Variants in COL25A1 observed in about 807,000 individuals in gnomAD.
COL25A1 encodes the protein collagen alpha-1(XXV) chain.
COL25A1 carries 103 observed loss-of-function variants against 128.4 expected under a neutral mutation model. That is an observed-to-expected ratio of 0.80 (90% confidence interval 0.68 to 0.94). The LOEUF (loss-of-function observed/expected upper bound fraction) is 0.94, where lower values mean the gene tolerates loss of function less well. Ranked by LOEUF, COL25A1 falls within the 40% of genes least tolerant of loss-of-function variation. COL25A1 has a pLI of 0.00. For synonymous variants in COL25A1, 279 were observed against 277.2 expected, an observed-to-expected ratio of 1.01 and a Z score of -0.06; for missense variants, 745 against 840.0, an observed-to-expected ratio of 0.89 and a Z score of 1.40.
At chr4:108,906,266 G>C (rs1231408267) in intron 13 of COL25A1, among the ~76,000 whole-genome samples, 2 of 152,034 alleles carry the variant, frequency 1.3e-5, no homozygotes, top group Non-Finnish European at 2.9e-5. Flanking sequence ...GCTCCAGTGT[G>C]GAAAGCAGCC....
intron 5 of COL25A1, among the ~76,000 whole-genome samples, chr4:109,023,612 T>C (rs1433154228): frequency 6.6e-6 from 1 of 152,156 alleles, no homozygotes; most frequent in Non-Finnish European, 1.5e-5. Flanking sequence ...AGAAGTTATG[T>C]CCAAGGCACC....
chr4:109,044,198 C>G (rs1452144199), intron 5 of COL25A1, among the ~76,000 whole-genome samples: 1 of 151,786 alleles, frequency 6.6e-6, no homozygotes, highest in East Asian at 1.9e-4. Context: ...TAAATTGATA[C>G]ACGGGATCTA....
chr4:108,832,973 T>TAATTAATAAATA, intron 31 of COL25A1, among the ~76,000 whole-genome samples: 1 of 106,162 alleles, frequency 9.4e-6, no homozygotes, highest in East Asian at 3.1e-4. Context: ...TCTCAAAAAA[T>TAATTAATAAATA]AATAAATAAA....
chr4:108,916,928 T>C (rs1744947474), intron 13 of COL25A1, among the ~76,000 whole-genome samples: 1 of 152,196 alleles, frequency 6.6e-6, no homozygotes, highest in Non-Finnish European at 1.5e-5. Context: ...ATTGAGTACT[T>C]CTGGGAACAC....
chr4:108,958,875 C>A (rs1750359586), intron 8 of COL25A1, among the ~76,000 whole-genome samples: 1 of 151,976 alleles, frequency 6.6e-6, no homozygotes, highest in South Asian at 2.1e-4. Flanking sequence ...AATAAAAATT[C>A]TACACTACCA....
At chr4:109,202,400 T>C (rs541024060) in intron 3 of COL25A1, among the ~76,000 whole-genome samples, 88 of 150,274 alleles carry the variant, frequency 5.9e-4, no homozygotes, top group African/African-American at 1.7e-3. Context: ...TGGATATCCA[T>C]ATGCAAAAAA....
chr4:109,221,171 A>T (rs1357023689), intron 3 of COL25A1, among the ~76,000 whole-genome samples: 1 of 151,960 alleles, frequency 6.6e-6, no homozygotes, highest in Non-Finnish European at 1.5e-5. Flanking sequence ...TAATATGCAT[A>T]AGATACTAAG....
At chr4:109,040,846 G>C (rs949058006) in intron 5 of COL25A1, among the ~76,000 whole-genome samples, 3 of 152,082 alleles carry the variant, frequency 2.0e-5, no homozygotes, top group Non-Finnish European at 4.4e-5. Context: ...TGTACTGTCT[G>C]TTTTGGTTTT....
At chr4:109,208,075 T>C (rs148607367) in intron 3 of COL25A1, among the ~76,000 whole-genome samples, 1 of 152,320 alleles carries the variant, frequency 6.6e-6, no homozygotes, top group Non-Finnish European at 1.5e-5. Flanking sequence ...CACGCATATA[T>C]ACGCACTCTG....
chr4:108,999,803 C>A (rs1040005585), intron 6 of COL25A1, among the ~76,000 whole-genome samples: 2 of 152,182 alleles, frequency 1.3e-5, no homozygotes, highest in African/African-American at 4.8e-5. Flanking sequence ...AGGATGAGTT[C>A]ATGTCCTTTG....
At chr4:108,969,259 T>C (rs1357799451) in intron 8 of COL25A1, among the ~76,000 whole-genome samples, 1 of 152,164 alleles carries the variant, frequency 6.6e-6, no homozygotes, top group Non-Finnish European at 1.5e-5. Flanking sequence ...TGACACAACC[T>C]AGCCAATGAG....
At chr4:109,053,507 C>T (rs1761169114) in intron 3 of COL25A1, among the ~76,000 whole-genome samples, 1 of 152,114 alleles carries the variant, frequency 6.6e-6, no homozygotes, top group African/African-American at 2.4e-5. Context: ...ACTCCATGGG[C>T]CCTCACATGA....
At chr4:108,873,565 C>T (rs4989259) in intron 19 of COL25A1, among the ~76,000 whole-genome samples, 72,187 of 144,724 alleles carry the variant, frequency 0.5, 18,959 homozygotes, top group East Asian at 0.96. Flanking sequence ...GTAGTAGCAG[C>T]AGTAGCAGCA....
intron 3 of COL25A1, among the ~76,000 whole-genome samples, chr4:109,273,387 C>A (rs1782330739): frequency 2.0e-5 from 3 of 152,058 alleles, no homozygotes; most frequent in Non-Finnish European, 4.4e-5. Context: ...TTGCTAAGTG[C>A]CATGCAGAGT....
intron 15 of COL25A1, among the ~76,000 whole-genome samples, chr4:108,898,630 A>T (rs1742432210): frequency 6.6e-6 from 1 of 152,108 alleles, no homozygotes; most frequent in South Asian, 2.1e-4. Flanking sequence ...ACCTTCAGAT[A>T]ATTGCTGCAG....
intron 3 of COL25A1, among the ~76,000 whole-genome samples, chr4:109,286,481 C>A (rs1325279979): frequency 1.3e-5 from 2 of 152,112 alleles, no homozygotes; most frequent in African/African-American, 2.4e-5. Context: ...TTCTGACTAC[C>A]CTTCATTTCC....
chr4:109,238,462 A>G (rs533364621), intron 3 of COL25A1, among the ~76,000 whole-genome samples: 168 of 152,046 alleles, frequency 1.1e-3, no homozygotes, highest in African/African-American at 3.9e-3. Flanking sequence ...TTTTTGTTCA[A>G]TCATCGACCA....
Position 109,301,953 on chromosome 4 carries a change from CA to C in COL25A1, c.66del (p.Ala23ProfsTer32). On this transcript the variant is annotated frameshift_variant, in exon 2 of 38. Coordinates refer to ENST00000399132, the MANE Select transcript of COL25A1 (RefSeq NM_198721.4). LOFTEE classifies it high-confidence loss of function. The part of the protein sequence containing the change: ...GREPRSEDPT[P>X]AEQHCARTMP... Reference sequence around the variant, plus strand: ...ATGGTCCGGGCACAATGCTGTTCGGCAGGGGTCGGGTCCTCGGATCTGGGCT... The same window carrying C: ...ATGGTCCGGGCACAATGCTGTTCGGCGGGGTCGGGTCCTCGGATCTGGGCT... 6.2e-7 allele frequency: 1 copy of C among 1,612,888 alleles called. No individual in the cohort carries two copies. The highest frequency in any genetic ancestry group is 1.3e-5 in the African/African-American group (1 of 75,070).
rs375362037 is a variant in COL25A1 at position 109,017,888 on chromosome 4, GACT to G, written c.421-7516_421-7514del. Reference sequence around the variant, plus strand: ...ACTCATCATTAAGAAACCCAAGCTTGACTACTACTTTTATTTTAGTATACTCAT... The same window carrying G: ...ACTCATCATTAAGAAACCCAAGCTTGACTACTTTTATTTTAGTATACTCAT... On this transcript the variant is annotated intron_variant, in intron 5 of 37. Coordinates refer to ENST00000399132, the MANE Select transcript of COL25A1 (RefSeq NM_198721.4). 1.3e-4 allele frequency among the ~76,000 whole-genome samples: 20 copies of G among 152,220 alleles called. No homozygotes were observed. The South Asian group carries it at 3.9e-3, about 30-fold the overall frequency.
Sources: gnomAD v4.1 joint callset for allele counts (sites outside exome capture counted in the v4.1 genomes callset) on GRCh38, gnomAD v4.1.1 for gene constraint, MANE v1.5 for transcripts, NCBI Gene and HGNC (gene_info 2026-07-23, HGNC 2026-07-21) for gene names.